GPC5: variants seen among roughly 807,000 people sequenced by gnomAD.
The protein encoded by GPC5 is glypican 5.
GPC5 carries 47 observed loss-of-function variants against 53.9 expected under a neutral mutation model. The observed-to-expected ratio is 0.87, with a 90% CI of 0.69 to 1.11. The LOEUF (loss-of-function observed/expected upper bound fraction) is 1.11. Among genes scored for constraint, GPC5 ranks in the 50% most tolerant of loss-of-function variants. GPC5 has a pLI of 0.00. For missense variants in GPC5, 748 were observed against 713.1 expected (o/e 1.05, Z -0.56); for synonymous variants, 286 against 263.3 (o/e 1.09, Z -0.84).
intron 2 of GPC5, among the ~76,000 whole-genome samples, chr13:91,498,785 C>T (rs1884450939): frequency 1.3e-5 from 2 of 151,902 alleles, no homozygotes; most frequent in African/African-American, 2.4e-5. Flanking sequence ...GACTGGCCAA[C>T]ATGGTGAAAC....
chr13:92,835,958 A>G (rs917603053), intron 7 of GPC5, among the ~76,000 whole-genome samples: 16 of 151,978 alleles, frequency 1.1e-4, no homozygotes, highest in Admixed American at 9.8e-4. Context: ...TTTGTCATAT[A>G]TAGTATTCTG....
chr13:91,685,180 C>T (rs1457462099), intron 2 of GPC5, among the ~76,000 whole-genome samples: 1 of 152,096 alleles, frequency 6.6e-6, no homozygotes, highest in African/African-American at 2.4e-5. Flanking sequence ...TGGCGCTTGT[C>T]TGTGGTCCCA....
intron 7 of GPC5, among the ~76,000 whole-genome samples, chr13:92,562,541 TACTC>T (rs1882732941): frequency 6.6e-6 from 1 of 152,086 alleles, no homozygotes; most frequent in Admixed American, 6.6e-5. Flanking sequence ...AACTCTGAAA[TACTC>T]TGTCTGTTAA....
intron 2 of GPC5, among the ~76,000 whole-genome samples, chr13:91,541,225 A>AT (rs1386098172): frequency 6.6e-6 from 1 of 152,034 alleles, no homozygotes; most frequent in Non-Finnish European, 1.5e-5. Context: ...TTTGCTACAT[A>AT]TTTTTTGTTC....
intron 7 of GPC5, among the ~76,000 whole-genome samples, chr13:92,506,319 A>C (rs1458384457): frequency 6.6e-6 from 1 of 152,152 alleles, no homozygotes; most frequent in Non-Finnish European, 1.5e-5. Flanking sequence ...GAACAATATT[A>C]CACTGTTTAT....
At chr13:91,832,978 A>G in intron 5 of GPC5, among the ~76,000 whole-genome samples, 1 of 152,194 alleles carries the variant, frequency 6.6e-6, no homozygotes, top group East Asian at 1.9e-4. Context: ...AAAGATCAAC[A>G]AAATAGATAG....
At chr13:92,047,012 T>G (rs889894466) in intron 6 of GPC5, among the ~76,000 whole-genome samples, 3 of 152,198 alleles carry the variant, frequency 2.0e-5, no homozygotes, top group Non-Finnish European at 4.4e-5. Flanking sequence ...TTAAGTGATT[T>G]CACAGAATTT....
At chr13:91,514,356 T>A (rs893984651) in intron 2 of GPC5, among the ~76,000 whole-genome samples, 1 of 152,228 alleles carries the variant, frequency 6.6e-6, no homozygotes, top group Non-Finnish European at 1.5e-5. Context: ...TCTACAGTGC[T>A]ATCTCATGTG....
chr13:91,571,733 A>ATC (rs2031789618), intron 2 of GPC5, among the ~76,000 whole-genome samples: 1 of 135,472 alleles, frequency 7.4e-6, no homozygotes, highest in South Asian at 2.2e-4. Context: ...TCAAATATAT[A>ATC]TATATGTATA....
intron 7 of GPC5, among the ~76,000 whole-genome samples, chr13:92,264,055 C>G (rs925455714): frequency 6.6e-6 from 1 of 151,722 alleles, no homozygotes; most frequent in Non-Finnish European, 1.5e-5. Flanking sequence ...ACATTATATC[C>G]CATAAATAAA....
At chr13:91,500,722 C>T (rs945524186) in intron 2 of GPC5, among the ~76,000 whole-genome samples, 2 of 152,134 alleles carry the variant, frequency 1.3e-5, no homozygotes, top group South Asian at 4.1e-4. Context: ...TTTACAGCTA[C>T]AGATTTTTGT....
intron 7 of GPC5, among the ~76,000 whole-genome samples, chr13:92,295,291 A>G (rs924210860): frequency 3.3e-5 from 5 of 152,242 alleles, no homozygotes; most frequent in Non-Finnish European, 7.3e-5. Context: ...ATCATTCAGG[A>G]ACAGGCTATT....
intron 7 of GPC5, among the ~76,000 whole-genome samples, chr13:92,259,157 A>G (rs772766688): frequency 6.6e-6 from 1 of 152,170 alleles, no homozygotes; most frequent in Non-Finnish European, 1.5e-5. Flanking sequence ...ATTTGTTTCC[A>G]TGCTCCCTTT....
intron 7 of GPC5, among the ~76,000 whole-genome samples, chr13:92,453,600 T>C (rs1296872585): frequency 6.6e-6 from 1 of 152,184 alleles, no homozygotes; most frequent in East Asian, 1.9e-4. Context: ...CATTGCAATG[T>C]TTTGACATTC....
intron 6 of GPC5, among the ~76,000 whole-genome samples, chr13:91,931,932 T>A (rs907457374): frequency 6.6e-6 from 1 of 152,014 alleles, no homozygotes; most frequent in Admixed American, 6.6e-5. Flanking sequence ...CTTTCTAAGA[T>A]GCTCCCTGAC....
In GPC5 at chr13:91,536,650, G is replaced by A. The variant is rs150734535; in HGVS notation, c.325+87728G>A. ...GCTTGTGCACGGCTGTCTTCTCCCT[G>A]TGTATGTTCACATTGTCTTTCCTCT... On this transcript the variant is annotated intron_variant, in intron 2 of 7. Transcript: ENST00000377067. Among the ~76,000 whole-genome samples, 1,067 of 152,216 alleles carry A rather than the reference G, an allele frequency of 7.0e-3. 6 individuals carry two copies. Among genetic ancestry groups the A allele is most frequent in the African/African-American group, 0.015 (614 of 41,524 alleles).
At chr13:92,701,717 A>C (rs1300792108) in intron 7 of GPC5, among the ~76,000 whole-genome samples, 2 of 150,528 alleles carry the variant, frequency 1.3e-5, no homozygotes, top group Non-Finnish European at 3.0e-5. Flanking sequence ...ATATTTCACA[A>C]ATCACAAGTT....
rs5805763 is a variant in GPC5, at chr13:92,778,966, T to TACACAC, written c.1562-87298_1562-87293dup. ...CTTGTGTATGAATATGTGCAAGATA[T>TACACAC]ACACACACACACACACACACACATA... On this transcript the variant is annotated intron_variant, in intron 7 of 7. Transcript: ENST00000377067. Among the ~76,000 whole-genome samples the TACACAC allele has an allele frequency of 7.5e-3, 1,119 of 149,382 alleles. 34 individuals carry two copies. Among genetic ancestry groups the TACACAC allele is most frequent in the Admixed American group, 0.047 (698 of 14,892 alleles).
intron 2 of GPC5, among the ~76,000 whole-genome samples, chr13:91,528,947 C>T (rs1233802184): frequency 6.6e-6 from 1 of 152,228 alleles, no homozygotes; most frequent in Non-Finnish European, 1.5e-5. Context: ...GATCCAGTCA[C>T]TTCCCACTAG....
Sources: allele counts gnomAD v4.1 joint callset (sites outside exome capture counted in the v4.1 genomes callset), GRCh38; gene constraint gnomAD v4.1.1; transcripts MANE v1.5; gene names NCBI Gene and HGNC (gene_info 2026-07-23, HGNC 2026-07-21).